Variants in CFAP20DC observed in about 807,000 individuals in gnomAD.
CFAP20DC encodes the protein CFAP20 domain containing.
Under a neutral mutation model 101.7 loss-of-function variants are expected in CFAP20DC, and 84 were observed. The observed-to-expected ratio is 0.83, with a 90% CI of 0.69 to 0.99. The LOEUF (loss-of-function observed/expected upper bound fraction) is 0.99, where lower values mean the gene tolerates loss of function less well. CFAP20DC is among the 50% of genes least tolerant of loss of function. The pLI is 0.00. For missense variants in CFAP20DC, 1,007 were observed against 970.3 expected, an observed-to-expected ratio of 1.04 and a Z score of -0.50; for synonymous variants, 359 against 351.2, an observed-to-expected ratio of 1.02 and a Z score of -0.25.
chr3:58,789,331 G>A lies in CFAP20DC; in HGVS notation c.2237+17064C>T, dbSNP rs538182050. 6.6e-5 allele frequency among the ~76,000 whole-genome samples: 10 copies of A among 152,272 alleles called. No homozygotes were observed. The East Asian group carries it at 1.9e-3, about 29-fold the overall frequency. On this transcript the variant is annotated intron_variant, in intron 15 of 16. Coordinates refer to ENST00000482387, the MANE Select transcript of CFAP20DC (RefSeq NM_001394063.1). ...GATGGGACTTAATGGTGCAGAAAGAGTAGGTGGGATTTAATTTAGTGCTTT... is the reference window on the plus strand; with the variant it reads ...GATGGGACTTAATGGTGCAGAAAGAATAGGTGGGATTTAATTTAGTGCTTT...
intron 14 of CFAP20DC, among the ~76,000 whole-genome samples, chr3:58,830,452 T>C (rs972266429): frequency 6.6e-6 from 1 of 152,046 alleles, no homozygotes; most frequent in Admixed American, 6.5e-5. Context: ...CCACACAGAG[T>C]AGCCGTAAGG....
chr3:59,040,180 T>C (rs1699231845), intron 3 of CFAP20DC, among the ~76,000 whole-genome samples: 1 of 152,068 alleles, frequency 6.6e-6, no homozygotes, highest in African/African-American at 2.4e-5. Context: ...CATATTTTCA[T>C]TTAAACCTTT....
At chr3:58,813,141 C>T (rs12634984) in intron 14 of CFAP20DC, among the ~76,000 whole-genome samples, 2 of 151,748 alleles carry the variant, frequency 1.3e-5, no homozygotes, top group Non-Finnish European at 2.9e-5. Context: ...ACCTCAAGTA[C>T]TGATCAATAA....
chr3:58,930,181 A>T (rs753564682), intron 5 of CFAP20DC, among the ~76,000 whole-genome samples: 1 of 152,186 alleles, frequency 6.6e-6, no homozygotes, highest in Non-Finnish European at 1.5e-5. Flanking sequence ...TACATGTCTT[A>T]GCTCATCTGA....
At position 58,721,492 on chromosome 3, in the gene CFAP20DC, T is replaced by C. The variant is rs1258076076; in HGVS notation, c.198-3864A>G. Among the ~76,000 whole-genome samples, 1 of 152,138 alleles carries C rather than the reference T, an allele frequency of 6.6e-6. No individual in the cohort carries two copies. The highest frequency in any genetic ancestry group is 1.5e-5 in the Non-Finnish European group (1 of 68,028). On this transcript the variant is annotated intron_variant, in intron 3 of 3. Coordinates refer to the CFAP20DC transcript ENST00000486145. This position sits in a 1 kb window ranked among gnomAD's most constrained non-coding sequence, Gnocchi z 5.2. ...GAAGTTTTCCACAAAGAAGCGATAT[T>C]TAAGCTGAGATCTGAAGGATACGGG...
chr3:58,831,996 G>T, intron 13 of CFAP20DC, 107 bp from the exon 14 acceptor site: 3 of 892,954 alleles, frequency 3.4e-6, no homozygotes, highest in East Asian at 5.0e-5. Context: ...ACTGACAGAG[G>T]CCCAAATCCC....
At chr3:58,753,011 C>T (rs894833614) in intron 16 of CFAP20DC, among the ~76,000 whole-genome samples, 11 of 152,104 alleles carry the variant, frequency 7.2e-5, no homozygotes, top group African/African-American at 2.4e-4. Flanking sequence ...CTTGAGATTA[C>T]CCCATGCCTC....
rs765890334 is a variant in CFAP20DC at position 58,863,771 on chromosome 3, C to T, written c.1380G>A (p.Glu460=). ...CCTCTGCCTGCTGGTCGTGTTCACTCTCTTTGCTGGCTTCCAGCCACAGGT... is the reference window on the plus strand; with the variant it reads ...CCTCTGCCTGCTGGTCGTGTTCACTTTCTTTGCTGGCTTCCAGCCACAGGT... ...PSHLWLEASK[E]SEHDQQAEES... is the part of the protein sequence containing the mutation. The change falls in exon 12 of 17, where the codon GAG becomes GAA. Residue 460 remains glutamate (E), a synonymous_variant. Coordinates refer to ENST00000482387, the MANE Select transcript of CFAP20DC (RefSeq NM_001394063.1). This position sits in a 1 kb window ranked among gnomAD's most constrained non-coding sequence, Gnocchi z 5.9. 8.1e-6 allele frequency: 13 copies of T among 1,614,098 alleles called. No homozygotes were observed. In the South Asian group the frequency reaches 9.9e-5, roughly 12 times the overall value.
intron 3 of CFAP20DC, among the ~76,000 whole-genome samples, chr3:58,730,335 G>A (rs765121079): frequency 2.6e-5 from 4 of 152,140 alleles, no homozygotes; most frequent in Admixed American, 1.3e-4. Context: ...ACATCACATT[G>A]TACTTCGTAA....
chr3:58,785,381 G>C (rs565860651), intron 15 of CFAP20DC, among the ~76,000 whole-genome samples: 12 of 152,148 alleles, frequency 7.9e-5, no homozygotes, highest in African/African-American at 2.9e-4. Flanking sequence ...GCAGAGTAAG[G>C]TAACTATATT....
intron 4 of CFAP20DC, among the ~76,000 whole-genome samples, chr3:58,959,255 C>T (rs897575589): frequency 3.3e-5 from 5 of 152,070 alleles, no homozygotes; most frequent in South Asian, 2.1e-4. Flanking sequence ...CCACCATGCC[C>T]GGCTAATTTT....
intron 3 of CFAP20DC, among the ~76,000 whole-genome samples, chr3:58,720,364 T>C (rs1294022423): frequency 6.6e-6 from 1 of 152,200 alleles, no homozygotes; most frequent in Non-Finnish European, 1.5e-5. Flanking sequence ...TAGAGAGTTG[T>C]CAAGATTGAG....
At chr3:58,744,417 G>A (rs894440979) in intron 16 of CFAP20DC, among the ~76,000 whole-genome samples, 1 of 151,928 alleles carries the variant, frequency 6.6e-6, no homozygotes, top group African/African-American at 2.4e-5. Flanking sequence ...TGTTTAATTC[G>A]GAGCTATTAC....
At position 59,001,178 on chromosome 3, in the gene CFAP20DC, A is replaced by G. The variant is rs2093299367; in HGVS notation, c.278+38379T>C. ...GAAAGAGACCTAAGAGATTTAAATC[A>G]ATGGTAAAATAACACACATTGTAAA... On this transcript the variant is annotated intron_variant, in intron 4 of 16. Transcript: ENST00000482387. The surrounding 1 kb of genome is among the most constrained non-coding windows in gnomAD (Gnocchi z 4.5). 6.6e-6 allele frequency among the ~76,000 whole-genome samples: 1 copy of G among 152,294 alleles called. No individual in the cohort carries two copies. Among genetic ancestry groups the G allele is most frequent in the East Asian group, 1.9e-4 (1 of 5,182 alleles).
chr3:58,846,876 C>A (rs1244166352), intron 13 of CFAP20DC, among the ~76,000 whole-genome samples: 1 of 150,646 alleles, frequency 6.6e-6, no homozygotes, highest in African/African-American at 2.4e-5. Context: ...CTACAATTAT[C>A]TGATCTTTGA....
intron 4 of CFAP20DC, among the ~76,000 whole-genome samples, chr3:58,946,283 A>AT (rs1269042860): frequency 6.6e-6 from 1 of 151,156 alleles, no homozygotes; most frequent in African/African-American, 2.4e-5. Flanking sequence ...TGCCCGGCTA[A>AT]TTTTTTGTAT....
chr3:58,866,562 C>A lies in CFAP20DC; in HGVS notation c.1258+4G>T. On this transcript the variant is annotated splice_donor_region_variant and intron_variant, in intron 11 of 16. Transcript: ENST00000482387. ...AACAGATATGGTGTAATAAAGATGC[C>A]AACCTGATTGATCAGGAGACTGGGG... The A allele has an allele frequency of 6.2e-7, 1 of 1,600,982 alleles. No homozygotes were observed. Among genetic ancestry groups the A allele is most frequent in the Non-Finnish European group, 8.5e-7 (1 of 1,175,358 alleles).
At chr3:58,761,110 G>A (rs1184865384) in intron 15 of CFAP20DC, among the ~76,000 whole-genome samples, 2 of 152,178 alleles carry the variant, frequency 1.3e-5, no homozygotes, top group African/African-American at 4.8e-5. Context: ...AGAAGGAATG[G>A]TAGCAGCTCC....
chr3:58,870,400 C>A, intron 7 of CFAP20DC, 91 bp from the exon 8 acceptor site: 1 of 1,304,058 alleles, frequency 7.7e-7, no homozygotes, highest in East Asian at 2.3e-5. Context: ...AGTCCAGGTG[C>A]CATAGGATCC....
Sources: allele counts gnomAD v4.1 joint callset (sites outside exome capture counted in the v4.1 genomes callset), GRCh38; gene constraint gnomAD v4.1.1; non-coding constraint Gnocchi (gnomAD v3.1); transcripts MANE v1.5; gene names NCBI Gene and HGNC (gene_info 2026-07-23, HGNC 2026-07-21).